Variants in FNDC3A observed in about 807,000 individuals in gnomAD.
The protein encoded by FNDC3A is fibronectin type III domain containing 3A.
FNDC3A carries 32 observed loss-of-function variants against 148.9 expected under a neutral mutation model. The ratio of observed to expected loss-of-function variants is 0.21; its 90% CI spans 0.16 to 0.29. The LOEUF is 0.29. Ranked by LOEUF, FNDC3A falls within the 10% of genes least tolerant of loss-of-function variation. FNDC3A has a pLI of 1.00. For missense variants in FNDC3A, 1,191 were observed against 1,452.8 expected, an observed-to-expected ratio of 0.82 and a Z score of 2.93; for synonymous variants, 472 against 473.6, an observed-to-expected ratio of 1.00 and a Z score of 0.04.
chr13:49,187,332 G>A (rs555490274), intron 16 of FNDC3A, 142 bp downstream of exon 16: 3 of 866,130 alleles, frequency 3.5e-6, no homozygotes, highest in African/African-American at 1.8e-5. Context: ...CTTCACTTTG[G>A]GTTGTCCTGG....
chr13:49,207,404 C>G lies in FNDC3A; in HGVS notation c.*9C>G. 6.7e-7 allele frequency: 1 copy of G among 1,481,682 alleles called. No individual in the cohort carries two copies. Among genetic ancestry groups the G allele is most frequent in the Non-Finnish European group, 9.3e-7 (1 of 1,076,726 alleles). 91.8% of individuals were successfully genotyped at this position (1,481,682 alleles called of 1,614,324 possible). The stretch of plus-strand genomic sequence containing the variant: ...ACTTTGTAATCAAGTGAAAATATAA[C>G]TTTATTTTTTAACTCTATTACATTT... On this transcript the variant is annotated 3_prime_UTR_variant, in exon 26 of 26. Transcript: ENST00000492622.
rs758975409 is a variant in FNDC3A, at chr13:49,087,071, TAGAA to T, written c.175+11710_175+11713del. On this transcript the variant is annotated intron_variant, in intron 3 of 25. Coordinates refer to ENST00000492622, the MANE Select transcript of FNDC3A (RefSeq NM_001079673.2). ...TAAGAGAAAATTGCAATATTTTTGT[TAGAA>T]AGGAAAATATAGGGAAATTCAGTTG... Among the ~76,000 whole-genome samples the T allele has an allele frequency of 5.9e-5, 9 of 152,106 alleles. 1 individual carries two copies. Among genetic ancestry groups the T allele is most frequent in the African/African-American group, 9.7e-5 (4 of 41,446 alleles).
At chr13:49,117,798 A>C (rs760570297) in intron 4 of FNDC3A, among the ~76,000 whole-genome samples, 41 of 152,338 alleles carry the variant, frequency 2.7e-4, no homozygotes, top group Non-Finnish European at 5.0e-4. Flanking sequence ...CTTGAGCATT[A>C]GAAAATTTTG....
At chr13:49,088,154 A>C (rs140246721) in intron 3 of FNDC3A, among the ~76,000 whole-genome samples, 2 of 152,180 alleles carry the variant, frequency 1.3e-5, no homozygotes, top group African/African-American at 2.4e-5. Context: ...TTATATATGA[A>C]TAATTAAGGA....
At chr13:49,162,117 G>A (rs1462671013) in intron 8 of FNDC3A, among the ~76,000 whole-genome samples, 1 of 152,094 alleles carries the variant, frequency 6.6e-6, no homozygotes, top group African/African-American at 2.4e-5. Flanking sequence ...GTGTCTTTGT[G>A]GTGGTCTCTG....
chr13:49,065,937 T>C lies in FNDC3A; in HGVS notation c.100-9352T>C, dbSNP rs79328167. 1.1e-4 allele frequency among the ~76,000 whole-genome samples: 17 copies of C among 152,334 alleles called. No individual in the cohort carries two copies. The East Asian group carries it at 3.3e-3, about 29-fold the overall frequency. On this transcript the variant is annotated intron_variant, in intron 2 of 25. Transcript: ENST00000492622. ...AGCTTGTAAAAATGATTTAAAGTTG[T>C]CTGGTCAGTATGATAGAGTTCTTAA...
At chr13:49,189,815 ATAT>A (rs1055289077) in intron 17 of FNDC3A, among the ~76,000 whole-genome samples, 18 of 152,290 alleles carry the variant, frequency 1.2e-4, no homozygotes, top group African/African-American at 4.1e-4. Context: ...AGATGACCAA[ATAT>A]TTTGTGTTTA....
chr13:49,175,416 A>G lies in FNDC3A; in HGVS notation c.1405A>G (p.Met469Val), dbSNP rs766157863. Residue 469 changes from methionine to valine, a missense_variant, in exon 13 of 26, where the codon ATG (methionine) becomes GTG (valine). Physicochemically the swap from Met to Val is conservative, Grantham distance 21 (BLOSUM62 1). This residue lies in a region of FNDC3A where 751 missense variants were observed against 944.0 expected (regional missense o/e 0.80). Coordinates refer to ENST00000492622, the MANE Select transcript of FNDC3A (RefSeq NM_001079673.2). Reference protein sequence around the residue: ...LYYTSGCAPSMPASPVLTKAG... With the variant: ...LYYTSGCAPSVPASPVLTKAG... The stretch of plus-strand genomic sequence containing the variant: ...TTACACCTCAGGCTGTGCTCCTTCT[A>G]TGCCAGCAAGTCCTGTATTAACCAA... 1.2e-5 allele frequency: 19 copies of G among 1,612,384 alleles called. No individual in the cohort carries two copies. The highest frequency in any genetic ancestry group is 1.4e-5 in the Non-Finnish European group (17 of 1,179,340).
rs535259420 is a variant in FNDC3A, at chr13:49,008,397, A to C, written c.99+2108A>C. Among the ~76,000 whole-genome samples, 5 of 152,284 alleles carry C rather than the reference A, an allele frequency of 3.3e-5. No individual in the cohort carries two copies. In the South Asian group the frequency reaches 1.0e-3, roughly 32 times the overall value. On this transcript the variant is annotated intron_variant, in intron 2 of 25. Coordinates refer to ENST00000492622, the MANE Select transcript of FNDC3A (RefSeq NM_001079673.2). ...GCCAAGTTATAGCTTACCTATGGAGATATGACACAACTTGGTTGATGCCTG... is the reference window on the plus strand; with the variant it reads ...GCCAAGTTATAGCTTACCTATGGAGCTATGACACAACTTGGTTGATGCCTG...
At chr13:49,124,366 A>G (rs1229194346) in intron 4 of FNDC3A, among the ~76,000 whole-genome samples, 1 of 152,118 alleles carries the variant, frequency 6.6e-6, no homozygotes, top group Non-Finnish European at 1.5e-5. Flanking sequence ...GGGGAGGGAT[A>G]GCATTAGGAG....
At chr13:49,163,372 G>A (rs986005716) in intron 8 of FNDC3A, among the ~76,000 whole-genome samples, 4 of 152,170 alleles carry the variant, frequency 2.6e-5, no homozygotes, top group African/African-American at 9.7e-5. Context: ...GCTGCCACCT[G>A]GCAGTTCGAT....
At chr13:49,092,471 C>T (rs1327551362) in intron 3 of FNDC3A, among the ~76,000 whole-genome samples, 1 of 152,100 alleles carries the variant, frequency 6.6e-6, no homozygotes, top group Non-Finnish European at 1.5e-5. Context: ...TAGGTTGTGC[C>T]CATCCAGATT....
intron 6 of FNDC3A, 129 bp from the exon 7 acceptor site, chr13:49,138,618 A>G: frequency 1.9e-6 from 1 of 539,734 alleles, no homozygotes; most frequent in Non-Finnish European, 3.3e-6. Flanking sequence ...CTGAGTATGA[A>G]CAAAGGAATA....
At position 49,113,699 on chromosome 13, in the gene FNDC3A, C is replaced by G. The variant is rs970193192; in HGVS notation, c.176-956C>G. Among the ~76,000 whole-genome samples, 8 of 152,166 alleles carry G rather than the reference C, an allele frequency of 5.3e-5. No individual in the cohort carries two copies. In the East Asian group the frequency reaches 1.5e-3, roughly 29 times the overall value. ...TTATTCCCTTAGAAATAAGTAATTTCTTTGAAAAGGTTTCATTTCAGGTTA... is the reference window on the plus strand; with the variant it reads ...TTATTCCCTTAGAAATAAGTAATTTGTTTGAAAAGGTTTCATTTCAGGTTA... On this transcript the variant is annotated intron_variant, in intron 3 of 25. Coordinates refer to ENST00000492622, the MANE Select transcript of FNDC3A (RefSeq NM_001079673.2).
At chr13:49,009,960 G>A in intron 2 of FNDC3A, among the ~76,000 whole-genome samples, 1 of 152,252 alleles carries the variant, frequency 6.6e-6, no homozygotes, top group African/African-American at 2.4e-5. Flanking sequence ...TTGTACCCAT[G>A]GGATTTTAAT....
intron 2 of FNDC3A, among the ~76,000 whole-genome samples, chr13:49,016,401 G>C (rs1424566324): frequency 6.6e-6 from 1 of 152,052 alleles, no homozygotes; most frequent in African/African-American, 2.4e-5. Context: ...AGAGGTGTTT[G>C]TAGTATTCTC....
intron 4 of FNDC3A, among the ~76,000 whole-genome samples, chr13:49,130,223 T>G (rs1173024424): frequency 6.6e-6 from 1 of 151,492 alleles, no homozygotes; most frequent in Non-Finnish European, 1.5e-5. Flanking sequence ...TGTTTTTTGT[T>G]TTTTGGTTTT....
At chr13:49,082,535 T>G (rs1366914464) in intron 3 of FNDC3A, among the ~76,000 whole-genome samples, 2 of 152,102 alleles carry the variant, frequency 1.3e-5, no homozygotes, top group African/African-American at 2.4e-5. Context: ...CAAAAGAGTT[T>G]AAGATGATAT....
At chr13:49,092,604 A>G (rs1879258952) in intron 3 of FNDC3A, among the ~76,000 whole-genome samples, 2 of 152,052 alleles carry the variant, frequency 1.3e-5, no homozygotes, top group South Asian at 4.1e-4. Context: ...ATTAATCATC[A>G]CACCGCCTTC....
Sources: allele counts gnomAD v4.1 joint callset (sites outside exome capture counted in the v4.1 genomes callset), GRCh38; gene constraint gnomAD v4.1.1; regional missense constraint gnomAD v4.1.1; transcripts MANE v1.5; gene names NCBI Gene and HGNC (gene_info 2026-07-23, HGNC 2026-07-21).